The following NRXN1 variants were observed in gnomAD, a reference collection of about 807,000 sequenced individuals.
The protein encoded by NRXN1 is neurexin-1.
In NRXN1, 39 loss-of-function variants were observed where a neutral mutation model predicts 150.9. The observed-to-expected ratio is 0.26, with a 90% CI of 0.20 to 0.34. The LOEUF (loss-of-function observed/expected upper bound fraction) is 0.34. Ranked by LOEUF, NRXN1 falls within the 10% of genes least tolerant of loss-of-function variation. NRXN1 has a pLI of 1.00. For missense variants in NRXN1, 1,815 were observed against 1,949.9 expected, an observed-to-expected ratio of 0.93 and a Z score of 1.30; for synonymous variants, 924 against 757.0, an observed-to-expected ratio of 1.22 and a Z score of -3.62.
Position 51,026,399 on chromosome 2 carries a change from A to G in NRXN1, c.772+1103T>C, listed in dbSNP as rs1553513259. 2.5e-6 allele frequency: 4 copies of G among 1,600,414 alleles called. No individual in the cohort carries two copies. The highest frequency in any genetic ancestry group is 2.6e-6 in the Non-Finnish European group (3 of 1,172,116). On this transcript the variant is annotated intron_variant, in intron 2 of 22. Transcript: ENST00000401669. ...CTGTTAGAGGCTTTGCTGTATTTAT[A>G]CAACAGTATTTTCCTTGGTCATTGT...
intron 9 of NRXN1, among the ~76,000 whole-genome samples, chr2:50,542,173 C>A (rs1369180804): frequency 6.6e-6 from 1 of 152,050 alleles, no homozygotes; most frequent in Non-Finnish European, 1.5e-5. Context: ...CTCAGCTACT[C>A]GGGAGGCTGA....
chr2:50,995,028 TA>T (rs1409058557), intron 2 of NRXN1, among the ~76,000 whole-genome samples: 3 of 152,020 alleles, frequency 2.0e-5, no homozygotes, highest in African/African-American at 7.2e-5. Context: ...ACATTGAATA[TA>T]AAAGATCATT....
chr2:50,752,357 T>C (rs1700692265), intron 5 of NRXN1, among the ~76,000 whole-genome samples: 1 of 151,960 alleles, frequency 6.6e-6, no homozygotes, highest in African/African-American at 2.4e-5. Flanking sequence ...TGATTTGGTT[T>C]TGTGATTATT....
intron 18 of NRXN1, among the ~76,000 whole-genome samples, chr2:50,113,142 C>T (rs995530109): frequency 3.3e-5 from 5 of 152,146 alleles, no homozygotes; most frequent in Non-Finnish European, 7.4e-5. Context: ...GCAACACATC[C>T]TTCAATCCCT....
intron 19 of NRXN1, among the ~76,000 whole-genome samples, chr2:50,070,541 CG>C (rs2152666378): frequency 1.3e-5 from 2 of 151,782 alleles, no homozygotes; most frequent in African/African-American, 4.8e-5. Context: ...GAGGCCGAGG[CG>C]GGCGGATCAC....
chr2:50,173,870 A>C (rs938200623), intron 18 of NRXN1, among the ~76,000 whole-genome samples: 1 of 152,204 alleles, frequency 6.6e-6, no homozygotes, highest in South Asian at 2.1e-4. Flanking sequence ...GTACATTCAA[A>C]CCTTCTAATA....
At chr2:50,180,240 G>C (rs1162934379) in intron 18 of NRXN1, among the ~76,000 whole-genome samples, 3 of 151,984 alleles carry the variant, frequency 2.0e-5, no homozygotes, top group Non-Finnish European at 2.9e-5. Context: ...GCCCAGGCTG[G>C]TCTTGAACTC....
Position 50,997,507 on chromosome 2 carries a change from T to C in NRXN1, c.772+29995A>G, listed in dbSNP as rs1006790681. 8.9e-5 allele frequency among the ~76,000 whole-genome samples: 10 copies of C among 112,220 alleles called. 1 individual carries two copies. 73.6% of individuals were successfully genotyped at this position (112,220 alleles called of 152,430 possible). A position where few individuals can be genotyped will look rare whatever the true frequency, so the allele number is the denominator to read the frequency against. ...TTTTAAATATTTGAAGGGGAAAACA[T>C]TTTATTTTATTTATTTTATAGACAG... On this transcript the variant is annotated intron_variant, in intron 2 of 22. Coordinates refer to ENST00000401669, the MANE Select transcript of NRXN1 (RefSeq NM_001330078.2).
At chr2:50,255,833 T>G (rs970345671) in intron 17 of NRXN1, among the ~76,000 whole-genome samples, 7 of 152,198 alleles carry the variant, frequency 4.6e-5, no homozygotes, top group Admixed American at 4.6e-4. Flanking sequence ...CATTATAGTC[T>G]GCTTATTACT....
Position 50,589,735 on chromosome 2 carries a change from C to T in NRXN1, c.1320+30287G>A, listed in dbSNP as rs539828067. Among the ~76,000 whole-genome samples, 27 of 121,742 alleles carry T rather than the reference C, an allele frequency of 2.2e-4. No homozygotes were observed. The South Asian group carries it at 8.2e-3, about 37-fold the overall frequency. 79.9% of individuals were successfully genotyped at this position (121,742 alleles called of 152,430 possible). The stretch of plus-strand genomic sequence containing the variant: ...TAAGTAGGTTTGCAGCAAAACCCAA[C>T]TGTTATAGCCAGACACACCAAAAGA... On this transcript the variant is annotated intron_variant, in intron 8 of 22. Coordinates refer to ENST00000401669, the MANE Select transcript of NRXN1 (RefSeq NM_001330078.2).
chr2:50,572,434 T>C (rs1670798537), intron 8 of NRXN1, among the ~76,000 whole-genome samples: 1 of 152,210 alleles, frequency 6.6e-6, no homozygotes, highest in South Asian at 2.1e-4. Flanking sequence ...AGTGGTTTCT[T>C]TCATAAGAAT....
chr2:50,320,328 A>ATG (rs70946901), intron 17 of NRXN1, among the ~76,000 whole-genome samples: 7 of 115,334 alleles, frequency 6.1e-5, no homozygotes, highest in African/African-American at 1.3e-4. Context: ...ATATATATAT[A>ATG]GTATATGATT....
rs1323306682 is a variant in NRXN1 at position 50,522,719 on chromosome 2, C to CCTTTTTTTTTTTTTTTTTTTT, written c.2374+5905_2374+5906insAAAAAAAAAAAAAAAAAAAAG. 1.6e-4 allele frequency among the ~76,000 whole-genome samples: 14 copies of CCTTTTTTTTTTTTTTTTTTTT among 86,596 alleles called. 6 individuals carry two copies. The highest frequency in any genetic ancestry group is 2.4e-4 in the African/African-American group (4 of 16,768). The allele number at this position is 86,596 out of a possible 152,430, so 56.8% of individuals were successfully genotyped here. On this transcript the variant is annotated intron_variant, in intron 12 of 22. Transcript: ENST00000401669. ...TTCCATTTATTCATTTATTTTTATT[C>CCTTTTTTTTTTTTTTTTTTTT]ATTTTTTTTTTTTTTTTTTTTTTTT... is the stretch of plus-strand genomic sequence containing the variant.
intron 5 of NRXN1, among the ~76,000 whole-genome samples, chr2:50,709,677 G>C (rs1465723498): frequency 6.6e-6 from 1 of 152,152 alleles, no homozygotes; most frequent in Non-Finnish European, 1.5e-5. Context: ...GCTTCTCATG[G>C]CTGGGACTGT....
At chr2:50,872,539 G>C (rs1677937118) in intron 5 of NRXN1, among the ~76,000 whole-genome samples, 1 of 151,746 alleles carries the variant, frequency 6.6e-6, no homozygotes, top group African/African-American at 2.4e-5. Context: ...AGTAGAGGTT[G>C]ACGGGGCTAC....
At chr2:50,963,791 G>T (rs1693588609) in intron 2 of NRXN1, among the ~76,000 whole-genome samples, 1 of 151,612 alleles carries the variant, frequency 6.6e-6, no homozygotes, top group African/African-American at 2.4e-5. Context: ...CCTAAGGAAA[G>T]TTGTGTTTGA....
chr2:50,415,928 A>G (rs1022384778), intron 17 of NRXN1, among the ~76,000 whole-genome samples: 1 of 149,308 alleles, frequency 6.7e-6, no homozygotes, highest in Non-Finnish European at 1.5e-5. Flanking sequence ...TTTTATGGCC[A>G]ACTGTTAGTA....
At chr2:50,183,179 A>G (rs1479363202) in intron 18 of NRXN1, among the ~76,000 whole-genome samples, 1 of 152,104 alleles carries the variant, frequency 6.6e-6, no homozygotes, top group Admixed American at 6.6e-5. Flanking sequence ...CAGGAAATAA[A>G]GCTATCATTT....
intron 2 of NRXN1, among the ~76,000 whole-genome samples, chr2:50,939,138 G>A (rs1688995908): frequency 6.8e-6 from 1 of 146,560 alleles, no homozygotes; most frequent in African/African-American, 2.5e-5. Context: ...ATGAACCTGG[G>A]AGGCAGAGCT....
Sources: allele counts gnomAD v4.1 joint callset (sites outside exome capture counted in the v4.1 genomes callset), GRCh38; gene constraint gnomAD v4.1.1; transcripts MANE v1.5; gene names NCBI Gene and HGNC (gene_info 2026-07-23, HGNC 2026-07-21).